Variants in B4GALNT3 observed in about 807,000 individuals in gnomAD.
B4GALNT3 encodes beta-1,4-N-acetylgalactosaminyltransferase 3.
In B4GALNT3, 86 loss-of-function variants were observed where a neutral mutation model predicts 120.2. The ratio of observed to expected loss-of-function variants is 0.72; its 90% confidence interval spans 0.60 to 0.86. The LOEUF is 0.86. Among genes scored for constraint, B4GALNT3 ranks in the 40% least tolerant of loss-of-function variants. The probability of loss-of-function intolerance (pLI) is 0.00; values close to 1 mark genes in which losing one functional copy is unlikely to be tolerated. For synonymous variants in B4GALNT3, 518 were observed against 510.4 expected (o/e 1.01, Z -0.20); for missense variants, 1,167 against 1,298.9 (o/e 0.90, Z 1.56).
At chr12:552,672 A>C (rs1202074331) in intron 13 of B4GALNT3, 144 bp downstream of exon 13, 1 of 705,994 alleles carries the variant, frequency 1.4e-6, no homozygotes, top group East Asian at 2.7e-5. Flanking sequence ...CACCCAAGGG[A>C]GTGGAGAGCA....
intron 1 of B4GALNT3, among the ~76,000 whole-genome samples, chr12:521,429 C>T (rs547470814): frequency 2.2e-4 from 34 of 152,270 alleles, no homozygotes; most frequent in Non-Finnish European, 3.8e-4. Context: ...CTGGCCTTTC[C>T]GGGGCCCAGT....
chr12:536,379 T>G, intron 3 of B4GALNT3, 84 bp downstream of exon 3: 1 of 1,154,444 alleles, frequency 8.7e-7, no homozygotes, highest in Non-Finnish European at 1.3e-6. Context: ...CAGAAAACTT[T>G]CTACTAGGGA....
chr12:504,152 A>G (rs905978914), intron 1 of B4GALNT3, among the ~76,000 whole-genome samples: 1 of 151,286 alleles, frequency 6.6e-6, no homozygotes, highest in African/African-American at 2.4e-5. Context: ...ACACATGCTC[A>G]TTGCTTAAAA....
At position 550,879 on chromosome 12, in the gene B4GALNT3, G is replaced by T. The variant is rs570749950; in HGVS notation, c.998-43G>T. The T allele has an allele frequency of 1.2e-5, 18 of 1,496,098 alleles. 1 individual carries two copies. The African/African-American group carries it at 2.3e-4, about 19-fold the overall frequency. 92.7% of individuals were successfully genotyped at this position (1,496,098 alleles called of 1,614,324 possible). On this transcript the variant is annotated intron_variant, in intron 10 of 19. Transcript: ENST00000266383. The surrounding 1 kb of genome is among the most constrained non-coding windows in gnomAD (Gnocchi z 4.1). ...GGCAGAGGACTTCAGCCCCAGTTTC[G>T]TGCTCACCCTCACCCTCACTCCTCC... is the stretch of plus-strand genomic sequence containing the variant.
intron 1 of B4GALNT3, among the ~76,000 whole-genome samples, chr12:533,065 A>G (rs1946823147): frequency 6.6e-6 from 1 of 152,238 alleles, no homozygotes; most frequent in African/African-American, 2.4e-5. Flanking sequence ...ATTCAGATGC[A>G]GGAGCAAGGC....
chr12:484,771 T>A (rs563436817), intron 1 of B4GALNT3, among the ~76,000 whole-genome samples: 1 of 146,194 alleles, frequency 6.8e-6, no homozygotes, highest in African/African-American at 2.5e-5. Context: ...AAGGAGACAA[T>A]GAAGTCTACA....
intron 7 of B4GALNT3, 26 bp downstream of exon 7, chr12:546,739 G>A: frequency 6.5e-7 from 1 of 1,547,294 alleles, no homozygotes; most frequent in Non-Finnish European, 8.7e-7. Flanking sequence ...GACAGGCGCT[G>A]TGGGCGCCTC....
intron 15 of B4GALNT3, among the ~76,000 whole-genome samples, chr12:557,203 G>A (rs987931239): frequency 6.6e-6 from 1 of 152,164 alleles, no homozygotes; most frequent in African/African-American, 2.4e-5. Flanking sequence ...GTGATGAGCA[G>A]GGTTTTATAT....
chr12:481,818 C>G (rs1014053239), intron 1 of B4GALNT3, among the ~76,000 whole-genome samples: 1 of 152,128 alleles, frequency 6.6e-6, no homozygotes, highest in African/African-American at 2.4e-5. Flanking sequence ...TGTGGGGAAG[C>G]CTGGATGAGG....
chr12:531,641 TAAAAAA>T lies in B4GALNT3; in HGVS notation c.170-3523_170-3518del, dbSNP rs370191127. Among the ~76,000 whole-genome samples, 222 of 151,716 alleles carry T rather than the reference TAAAAAA, an allele frequency of 1.5e-3. 1 individual carries two copies. The Middle Eastern group carries it at 0.034, about 23-fold the overall frequency. On this transcript the variant is annotated intron_variant, in intron 1 of 19. Coordinates refer to ENST00000266383, the MANE Select transcript of B4GALNT3 (RefSeq NM_173593.4). Reference sequence around the variant, plus strand: ...TTCCAGCCTGGGGGATCCTGTCTCTTAAAAAAAGAAAAATAAGAAAAGAAGCATAGA... The same window carrying T: ...TTCCAGCCTGGGGGATCCTGTCTCTTAGAAAAATAAGAAAAGAAGCATAGA...
intron 1 of B4GALNT3, among the ~76,000 whole-genome samples, chr12:483,275 T>C (rs2120479605): frequency 6.6e-6 from 1 of 152,288 alleles, no homozygotes; most frequent in Admixed American, 6.5e-5. Context: ...AAATAGCAAT[T>C]GATAAATATA....
At chr12:561,256 C>A (rs1461914894) in intron 19 of B4GALNT3, 87 bp from the exon 20 acceptor site, 3 of 980,056 alleles carry the variant, frequency 3.1e-6, no homozygotes, top group African/African-American at 3.2e-5. Flanking sequence ...CCGTGGGGAG[C>A]GAACAGAGGG....
At chr12:520,318 A>C (rs1407705857) in intron 1 of B4GALNT3, among the ~76,000 whole-genome samples, 3 of 152,232 alleles carry the variant, frequency 2.0e-5, no homozygotes, top group Non-Finnish European at 4.4e-5. Context: ...GCTGAGGACT[A>C]TAGAGATCTT....
Position 531,466 on chromosome 12 carries a change from T to C in B4GALNT3, c.170-3700T>C, listed in dbSNP as rs116920566. On this transcript the variant is annotated intron_variant, in intron 1 of 19. Transcript: ENST00000266383. ...GAGTTCAAGACCAACCTGGACAACA[T>C]AGAAAGACCCCATCTCTAAAATTTT... 3.6e-3 allele frequency among the ~76,000 whole-genome samples: 547 copies of C among 152,052 alleles called. 1 individual carries two copies. The highest frequency in any genetic ancestry group is 0.01 in the Middle Eastern group (3 of 294).
chr12:540,163 G>A (rs1161987972), intron 3 of B4GALNT3, among the ~76,000 whole-genome samples: 5 of 152,222 alleles, frequency 3.3e-5, no homozygotes, highest in Admixed American at 2.6e-4. Flanking sequence ...ATGGGCTTCC[G>A]AGTGCTCCTG....
At chr12:500,246 C>T (rs1946425528) in intron 1 of B4GALNT3, among the ~76,000 whole-genome samples, 1 of 152,140 alleles carries the variant, frequency 6.6e-6, no homozygotes, top group African/African-American at 2.4e-5. Flanking sequence ...TGGGCTCAAG[C>T]GATCCTCCCG....
chr12:463,449 A>G (rs1946044746), intron 1 of B4GALNT3, among the ~76,000 whole-genome samples: 1 of 152,222 alleles, frequency 6.6e-6, no homozygotes, highest in Non-Finnish European at 1.5e-5. Flanking sequence ...CTGTTCACGC[A>G]TTCATTTACA....
chr12:522,940 TTAAAAAAAAAA>T (rs1946725376), intron 1 of B4GALNT3, among the ~76,000 whole-genome samples: 1 of 77,084 alleles, frequency 1.3e-5, no homozygotes, highest in East Asian at 3.3e-4. Flanking sequence ...GAGACTCTGT[TTAAAAAAAAAA>T]AAAAAAAAAA....
chr12:532,619 T>A (rs1448423817), intron 1 of B4GALNT3, among the ~76,000 whole-genome samples: 6 of 151,486 alleles, frequency 4.0e-5, no homozygotes, highest in African/African-American at 1.2e-4. Context: ...AAGGCAAGGG[T>A]GGGAGATGAG....
Sources: allele counts gnomAD v4.1 joint callset (sites outside exome capture counted in the v4.1 genomes callset), GRCh38; gene constraint gnomAD v4.1.1; non-coding constraint Gnocchi (gnomAD v3.1); transcripts MANE v1.5; gene names NCBI Gene and HGNC (gene_info 2026-07-23, HGNC 2026-07-21).